Variants in TBCE observed in about 807,000 individuals in gnomAD.
The protein encoded by TBCE is tubulin-specific chaperone E.
Under a neutral mutation model 77.0 loss-of-function variants are expected in TBCE, and 53 were observed. That is an observed-to-expected ratio of 0.69 (90% CI 0.55 to 0.87). The LOEUF is 0.87. TBCE is among the 40% of genes least tolerant of loss of function. TBCE has a pLI of 0.00. For synonymous variants in TBCE, 235 were observed against 241.3 expected, an observed-to-expected ratio of 0.97 and a Z score of 0.24; for missense variants, 624 against 622.4, an observed-to-expected ratio of 1.00 and a Z score of -0.03.
At chr1:235,439,070 A>G in intron 13 of TBCE, 148 bp downstream of exon 13, 1 of 1,134,794 alleles carries the variant, frequency 8.8e-7, no homozygotes, top group Non-Finnish European at 1.3e-6. Context: ...GACTATAGGC[A>G]CTTTCCTGGG....
At chr1:235,370,015 C>T (rs1676811817) in intron 1 of TBCE, among the ~76,000 whole-genome samples, 1 of 152,112 alleles carries the variant, frequency 6.6e-6, no homozygotes, top group Admixed American at 6.6e-5. Context: ...CCTCATATGT[C>T]CACATGGCTC....
intron 6 of TBCE, chr1:235,429,938 GAACTCCTGACCTC>G (rs1183372533): frequency 6.6e-6 from 1 of 152,260 alleles, no homozygotes; most frequent in African/African-American, 2.4e-5. Context: ...GGCTAGTCTT[GAACTCCTGACCTC>G]AGGTGATCCA....
chr1:235,444,703 C>A (rs750499529), intron 15 of TBCE, among the ~76,000 whole-genome samples: 1 of 152,178 alleles, frequency 6.6e-6, no homozygotes, highest in Non-Finnish European at 1.5e-5. Flanking sequence ...CCATGCCTGG[C>A]AGGCCAGGAC....
At chr1:235,383,735 C>G (rs1038118896) in intron 2 of TBCE, among the ~76,000 whole-genome samples, 4 of 152,286 alleles carry the variant, frequency 2.6e-5, no homozygotes, top group Admixed American at 2.0e-4. Flanking sequence ...GTGGGGTTTT[C>G]TAGATATACA....
At chr1:235,430,173 T>C (rs1324146731) in intron 6 of TBCE, 1 of 155,362 alleles carries the variant, frequency 6.4e-6, no homozygotes. Flanking sequence ...GGGCTTGTGT[T>C]TTTTAATAGT....
intron 3 of TBCE, among the ~76,000 whole-genome samples, chr1:235,411,842 A>G (rs1306016235): frequency 2.6e-5 from 4 of 151,918 alleles, no homozygotes; most frequent in African/African-American, 7.2e-5. Flanking sequence ...GTCTTAAGCA[A>G]TCTCCCTCCT....
chr1:235,448,283 C>A, intron 15 of TBCE, 66 bp from the exon 16 acceptor site: 1 of 1,191,832 alleles, frequency 8.4e-7, no homozygotes, highest in Non-Finnish European at 1.2e-6. Flanking sequence ...GGTCTCATCA[C>A]ATGAGCTAGT....
chr1:235,426,230 A>G (rs1680706467), intron 5 of TBCE, among the ~76,000 whole-genome samples: 1 of 151,800 alleles, frequency 6.6e-6, no homozygotes, highest in African/African-American at 2.4e-5. Context: ...CCTCACCTCC[A>G]CTTGTGTTGT....
intron 2 of TBCE, among the ~76,000 whole-genome samples, chr1:235,388,542 G>C (rs1025521379): frequency 7.2e-5 from 11 of 152,184 alleles, no homozygotes; most frequent in African/African-American, 2.6e-4. Context: ...GCCTGCCCAA[G>C]CCTCCCAAAG....
At chr1:235,416,372 A>G (rs1287532679) in intron 4 of TBCE, among the ~76,000 whole-genome samples, 1 of 151,952 alleles carries the variant, frequency 6.6e-6, no homozygotes, top group African/African-American at 2.4e-5. Flanking sequence ...AAATAAATGC[A>G]AAAATTAGCT....
chr1:235,380,164 TG>T lies in TBCE; in HGVS notation c.100+16del, dbSNP rs745942380. ...TCCCGTGGCAGGTAAGCAATTATTG[TG>T]TGTGTGTGTGTGTGTGTGTGTGTGT... is the stretch of plus-strand genomic sequence containing the variant. On this transcript the variant is annotated intron_variant, in intron 2 of 16. Transcript: ENST00000642610. 2.4e-4 allele frequency: 7 copies of T among 28,834 alleles called. No homozygotes were observed. The highest frequency in any genetic ancestry group is 2.0e-3 in the East Asian group (1 of 504). 1.8% of individuals were successfully genotyped at this position (28,834 alleles called of 1,614,324 possible).
intron 2 of TBCE, among the ~76,000 whole-genome samples, chr1:235,393,644 A>G (rs1678547129): frequency 6.6e-6 from 1 of 152,188 alleles, no homozygotes; most frequent in Admixed American, 6.6e-5. Flanking sequence ...ATATATTGAA[A>G]TAATAATACC....
chr1:235,388,283 C>CTTTTT (rs908940784), intron 2 of TBCE, among the ~76,000 whole-genome samples: 36 of 117,310 alleles, frequency 3.1e-4, no homozygotes, highest in East Asian at 7.3e-4. Context: ...TCTGTTACTT[C>CTTTTT]TTTTTTTTTT....
intron 1 of TBCE, among the ~76,000 whole-genome samples, chr1:235,368,198 G>A (rs963495299): frequency 6.6e-6 from 1 of 152,178 alleles, no homozygotes; most frequent in African/African-American, 2.4e-5. Context: ...GAGCCACCGC[G>A]CCCGGCCTAA....
chr1:235,407,198 A>G (rs1011984353), intron 3 of TBCE, among the ~76,000 whole-genome samples: 8 of 150,318 alleles, frequency 5.3e-5, no homozygotes, highest in Admixed American at 2.7e-4. Context: ...CAGTGGCACA[A>G]TCATGGCTCG....
chr1:235,431,411 G>C (rs1433368765), intron 7 of TBCE, among the ~76,000 whole-genome samples: 1 of 150,640 alleles, frequency 6.6e-6, no homozygotes, highest in African/African-American at 2.5e-5. Context: ...GCCCAGGCTA[G>C]AGTGCAATGG....
rs569925016 is a variant in TBCE at position 235,430,810 on chromosome 1, CAT to C, written c.660+9_660+10del. 199 of 1,608,616 alleles carry C rather than the reference CAT, an allele frequency of 1.2e-4. No individual in the cohort carries two copies. The African/African-American group carries it at 2.5e-3, about 20-fold the overall frequency. On this transcript the variant is annotated splice_region_variant and intron_variant, in intron 7 of 16. Coordinates refer to ENST00000642610, the MANE Select transcript of TBCE (RefSeq NM_003193.5). Reference sequence around the variant, plus strand: ...CAGGAATAACGTGGGCTGAGGTAATCATATTTCTTTGTTTTATTACACATTAA... The same window carrying C: ...CAGGAATAACGTGGGCTGAGGTAATCATTTCTTTGTTTTATTACACATTAA...
chr1:235,412,139 CCCTT>C (rs1679821528), intron 3 of TBCE, among the ~76,000 whole-genome samples: 4 of 9,322 alleles, frequency 4.3e-4, no homozygotes, highest in Admixed American at 1.1e-3. Flanking sequence ...CCTTCTCCTC[CCCTT>C]CCCCTCCCCT....
intron 2 of TBCE, among the ~76,000 whole-genome samples, chr1:235,390,645 G>A (rs868283794): frequency 6.6e-6 from 1 of 151,450 alleles, no homozygotes; most frequent in Non-Finnish European, 1.5e-5. Flanking sequence ...CCAATAATCC[G>A]AGCTACTTGG....
Sources: allele counts gnomAD v4.1 joint callset (sites outside exome capture counted in the v4.1 genomes callset), GRCh38; gene constraint gnomAD v4.1.1; transcripts MANE v1.5; gene names NCBI Gene and HGNC (gene_info 2026-07-23, HGNC 2026-07-21).